Variants in PCDHGA9 observed in about 807,000 individuals in gnomAD.
PCDHGA9 encodes protocadherin gamma-A9.
Under a neutral mutation model 62.5 loss-of-function variants are expected in PCDHGA9, and 37 were observed. The ratio of observed to expected loss-of-function variants is 0.59; its 90% CI spans 0.46 to 0.78. PCDHGA9 has a LOEUF of 0.78. PCDHGA9 is among the 30% of genes least tolerant of loss of function. PCDHGA9 has a pLI of 0.00. For missense variants in PCDHGA9, 1,138 were observed against 1,166.2 expected, an observed-to-expected ratio of 0.98 and a Z score of 0.35; for synonymous variants, 459 against 484.6, an observed-to-expected ratio of 0.95 and a Z score of 0.69.
In PCDHGA9 at chr5:141,487,844, A is replaced by T; in HGVS notation, c.2425-6963A>T. The T allele has an allele frequency of 1.9e-6, 2 of 1,043,194 alleles. No individual in the cohort carries two copies. The highest frequency in any genetic ancestry group is 2.7e-6 in the Non-Finnish European group (2 of 730,908). The allele number at this position is 1,043,194 out of a possible 1,614,324, so 64.6% of individuals were successfully genotyped here. ...CGGGTCATGCCTATATCTGAGTAAG[A>T]AATGAAAGTAATTGGTGATCAAGAG... On this transcript the variant is annotated intron_variant, in intron 1 of 3. Transcript: ENST00000573521. This position sits in a 1 kb window ranked among gnomAD's most constrained non-coding sequence, Gnocchi z 5.0.
intron 1 of PCDHGA9, chr5:141,415,909 C>T: frequency 2.6e-6 from 2 of 761,032 alleles, no homozygotes; most frequent in Non-Finnish European, 3.7e-6. Context: ...GACTTCCATA[C>T]AGAAGTGCCT....
chr5:141,422,382 T>C (rs1390444026), intron 1 of PCDHGA9: 5 of 1,585,154 alleles, frequency 3.2e-6, no homozygotes, highest in Admixed American at 1.8e-5. Context: ...AAGTCTCCTG[T>C]TTTATTCCTA....
intron 1 of PCDHGA9, chr5:141,441,387 G>A (rs2098243952): frequency 6.5e-6 from 1 of 153,712 alleles, no homozygotes; most frequent in Non-Finnish European, 1.5e-5. Flanking sequence ...CAGACCCAAG[G>A]TATAACATCA....
At position 141,486,923 on chromosome 5, in the gene PCDHGA9, G is replaced by A. The variant is rs1377159895; in HGVS notation, c.2425-7884G>A. ...ATGTCCCCAAGCACTGCCTCCATCAGTTGGTGCTGGCCACCTAATCACAAA... is the reference window on the plus strand; with the variant it reads ...ATGTCCCCAAGCACTGCCTCCATCAATTGGTGCTGGCCACCTAATCACAAA... On this transcript the variant is annotated intron_variant, in intron 1 of 3. Transcript: ENST00000573521. This position sits in a 1 kb window ranked among gnomAD's most constrained non-coding sequence, Gnocchi z 5.0. 6.2e-7 allele frequency: 1 copy of A among 1,614,252 alleles called. No individual in the cohort carries two copies. Among genetic ancestry groups the A allele is most frequent in the Admixed American group, 1.7e-5 (1 of 60,028 alleles).
chr5:141,405,119 C>A lies in PCDHGA9; in HGVS notation c.2167C>A (p.His723Asn). The change falls in exon 1 of 4, where the codon CAT becomes AAT. Residue 723 changes from histidine to asparagine, a missense_variant. Physicochemically the swap from His to Asn is moderately conservative, Grantham distance 68. Transcript: ENST00000573521. The stretch of plus-strand genomic sequence containing the variant: ...CAGGCTGAGGCACTGGCACTCCTCG[C>A]ATCTGCTGCGGGCTACCAGTGATGG... ...ALRLRHWHSSHLLRATSDGLA... is the reference protein window; with the variant it reads ...ALRLRHWHSSNLLRATSDGLA... 1.2e-6 allele frequency: 2 copies of A among 1,614,024 alleles called. No homozygotes were observed. The highest frequency in any genetic ancestry group is 1.1e-5 in the South Asian group (1 of 91,086).
rs1475572413 is a variant in PCDHGA9, at chr5:141,432,843, T to G, written c.2424+27467T>G. The G allele has an allele frequency of 6.2e-7, 1 of 1,614,066 alleles. No homozygotes were observed. The highest frequency in any genetic ancestry group is 8.5e-7 in the Non-Finnish European group (1 of 1,180,020). ...TCAGACCTCACTCTGTACCTGGTGGTAGCGGTGGCCGCGGTCTCCTGCGTC... is the reference window on the plus strand; with the variant it reads ...TCAGACCTCACTCTGTACCTGGTGGGAGCGGTGGCCGCGGTCTCCTGCGTC... On this transcript the variant is annotated intron_variant, in intron 1 of 3. Coordinates refer to ENST00000573521, the MANE Select transcript of PCDHGA9 (RefSeq NM_018921.3). This position sits in a 1 kb window ranked among gnomAD's most constrained non-coding sequence, Gnocchi z 6.0.
intron 2 of PCDHGA9, among the ~76,000 whole-genome samples, chr5:141,504,722 C>T (rs747319660): frequency 1.3e-5 from 2 of 151,828 alleles, no homozygotes; most frequent in Non-Finnish European, 2.9e-5. Context: ...GGATTTTACT[C>T]TGAGGGCTTA....
intron 1 of PCDHGA9, among the ~76,000 whole-genome samples, chr5:141,451,522 A>G (rs1387873094): frequency 6.6e-6 from 1 of 152,200 alleles, no homozygotes; most frequent in Non-Finnish European, 1.5e-5. Flanking sequence ...TAGAGCAAGT[A>G]AAGGAGAGTG....
At chr5:141,407,505 T>TTTTTTTTTTTTTTTTTTTTTTGAGACGG (rs1460306566) in intron 1 of PCDHGA9, among the ~76,000 whole-genome samples, 2 of 152,142 alleles carry the variant, frequency 1.3e-5, no homozygotes, top group African/African-American at 2.4e-5. Context: ...CTGTTTTTCT[T>TTTTTTTTTTTTTTTTTTTTTTGAGACGG]AGGCTATGTA....
rs2096153349 is a variant in PCDHGA9 at position 141,417,731 on chromosome 5, C to G, written c.2424+12355C>G. 2.2e-6 allele frequency: 3 copies of G among 1,378,810 alleles called. No homozygotes were observed. In the East Asian group the frequency reaches 7.6e-5, roughly 35 times the overall value. 85.4% of individuals were successfully genotyped at this position (1,378,810 alleles called of 1,614,324 possible). A position where few individuals can be genotyped will look rare whatever the true frequency, so the allele number is the denominator to read the frequency against. On this transcript the variant is annotated intron_variant, in intron 1 of 3. Coordinates refer to ENST00000573521, the MANE Select transcript of PCDHGA9 (RefSeq NM_018921.3). ...AGGCTCCCGGCTGCGCAGACCTTGC[C>G]CAGCACACCAGATTGCCAGCTCCGA...
chr5:141,436,095 GA>G (rs2097795730), intron 1 of PCDHGA9, among the ~76,000 whole-genome samples: 2 of 152,112 alleles, frequency 1.3e-5, no homozygotes, highest in Non-Finnish European at 2.9e-5. Context: ...AATATTGAGA[GA>G]AATAGAGGAC....
intron 1 of PCDHGA9, among the ~76,000 whole-genome samples, chr5:141,443,560 G>A (rs2098394386): frequency 6.6e-6 from 1 of 152,162 alleles, no homozygotes; most frequent in Non-Finnish European, 1.5e-5. Context: ...CAATTCAAAT[G>A]CTTTAAATGG....
chr5:141,511,328 A>G lies in PCDHGA9; in HGVS notation c.*155A>G. On this transcript the variant is annotated 3_prime_UTR_variant, in exon 4 of 4. Transcript: ENST00000573521. Reference sequence around the variant, plus strand: ...CCTTGGGAAACAGAAACAAGTGCCCAGTCAGCACCTACCCCTTCCCCCCCA... The same window carrying G: ...CCTTGGGAAACAGAAACAAGTGCCCGGTCAGCACCTACCCCTTCCCCCCCA... The G allele has an allele frequency of 6.9e-7, 1 of 1,456,862 alleles. No individual in the cohort carries two copies. Among genetic ancestry groups the G allele is most frequent in the Non-Finnish European group, 9.1e-7 (1 of 1,093,622 alleles). 90.2% of individuals were successfully genotyped at this position (1,456,862 alleles called of 1,614,324 possible).
intron 1 of PCDHGA9, chr5:141,418,256 T>C: frequency 1.2e-6 from 2 of 1,614,046 alleles, no homozygotes; most frequent in Non-Finnish European, 1.7e-6. Context: ...CGCCCCTCAA[T>C]TCCGGAAAGA....
chr5:141,465,448 A>G (rs2099103302), intron 1 of PCDHGA9, among the ~76,000 whole-genome samples: 2 of 152,192 alleles, frequency 1.3e-5, no homozygotes, highest in Admixed American at 1.3e-4. Flanking sequence ...TTACCCAAGA[A>G]AACTCTCACC....
In PCDHGA9 at chr5:141,405,261, T is replaced by TC; in HGVS notation, c.2314dup (p.Gln772ProfsTer15). On this transcript the variant is annotated frameshift_variant, in exon 1 of 4. Coordinates refer to ENST00000573521, the MANE Select transcript of PCDHGA9 (RefSeq NM_018921.3). LOFTEE classifies it high-confidence loss of function. ...GACTCAAGGAAGAGTCACCTGATCT[T>TC]CCCCCAGCCCAACTATGCAGACACA... The TC allele has an allele frequency of 6.2e-7, 1 of 1,613,852 alleles. No individual in the cohort carries two copies.
intron 1 of PCDHGA9, among the ~76,000 whole-genome samples, chr5:141,450,776 C>T (rs757791026): frequency 4.0e-5 from 6 of 151,440 alleles, no homozygotes; most frequent in Non-Finnish European, 8.8e-5. Context: ...CATGAGCCAC[C>T]GTGCCCGGAC....
intron 2 of PCDHGA9, among the ~76,000 whole-genome samples, chr5:141,501,075 A>C (rs980856799): frequency 6.6e-6 from 1 of 151,366 alleles, no homozygotes; most frequent in African/African-American, 2.4e-5. Context: ...CACCATGTTG[A>C]CCAGGATGGT....
At chr5:141,423,167 T>C in intron 1 of PCDHGA9, 1 of 1,613,424 alleles carries the variant, frequency 6.2e-7, no homozygotes, top group Non-Finnish European at 8.5e-7. Context: ...GTGGTGGCCG[T>C]CCAGGACCAC....
Sources: allele counts gnomAD v4.1 joint callset (sites outside exome capture counted in the v4.1 genomes callset), GRCh38; gene constraint gnomAD v4.1.1; non-coding constraint Gnocchi (gnomAD v3.1); transcripts MANE v1.5; gene names NCBI Gene and HGNC (gene_info 2026-07-23, HGNC 2026-07-21).